The following NLRP3 variants were observed in gnomAD, a reference collection of about 807,000 sequenced individuals.
NLRP3 encodes the protein NACHT, LRR and PYD domains-containing protein 3.
Under a neutral mutation model 91.3 loss-of-function variants are expected in NLRP3, and 48 were observed. The observed-to-expected ratio is 0.53, with a 90% confidence interval of 0.42 to 0.67. NLRP3 has a LOEUF of 0.67. Among genes scored for constraint, NLRP3 ranks in the 30% least tolerant of loss-of-function variants. The pLI is 0.00. For synonymous variants in NLRP3, 561 were observed against 507.9 expected, an observed-to-expected ratio of 1.10 and a Z score of -1.41; for missense variants, 982 against 1,276.9, an observed-to-expected ratio of 0.77 and a Z score of 3.52.
At chr1:247,442,099 C>G (rs1202459492) in intron 7 of NLRP3, among the ~76,000 whole-genome samples, 1 of 152,214 alleles carries the variant, frequency 6.6e-6, no homozygotes, top group Non-Finnish European at 1.5e-5. Context: ...AGAAGCCACT[C>G]AAAACTTGCT....
Position 247,423,202 on chromosome 1 carries a change from G to A in NLRP3, c.278-28G>A, listed in dbSNP as rs199475728. The A allele has an allele frequency of 1.5e-4, 238 of 1,613,792 alleles. 1 individual carries two copies. In the East Asian group the frequency reaches 5.2e-3, roughly 35 times the overall value. On this transcript the variant is annotated intron_variant, in intron 2 of 9. Coordinates refer to ENST00000336119, the MANE Select transcript of NLRP3 (RefSeq NM_001243133.2). ...GCATCCTCTGTGATAATAGTTCTGG[G>A]TTTTGACACCTTTTTTTTCCCTTTT...
intron 2 of NLRP3, among the ~76,000 whole-genome samples, chr1:247,419,497 T>C (rs1662310448): frequency 6.6e-6 from 1 of 152,100 alleles, no homozygotes; most frequent in Non-Finnish European, 1.5e-5. Context: ...TTAGGTACAC[T>C]CACATTGTGC....
At chr1:247,444,545 C>CA in intron 8 of NLRP3, 106 bp from the exon 9 acceptor site, 1 of 968,530 alleles carries the variant, frequency 1.0e-6, no homozygotes, top group Non-Finnish European at 1.5e-6. Context: ...TGCTCCTGTG[C>CA]TTTTTTTTTT....
At position 247,418,938 on chromosome 1, in the gene NLRP3, G is replaced by A. The variant is rs1275328854; in HGVS notation, c.138G>A (p.Lys46=). The change falls in exon 2 of 10, where the codon AAG becomes AAA. Residue 46 remains lysine, a synonymous_variant. Transcript: ENST00000336119. The part of the protein sequence containing the change: ...CIPLPRGQTE[K]ADHVDLATLM... ...CCCTCCCGAGGGGTCAGACAGAGAA[G>A]GCAGACCATGTGGATCTAGCCACGC... 1 of 1,614,172 alleles carries A rather than the reference G, an allele frequency of 6.2e-7. No homozygotes were observed. Among genetic ancestry groups the A allele is most frequent in the Admixed American group, 1.7e-5 (1 of 60,024 alleles).
At chr1:247,435,841 A>G (rs1663752000) in intron 6 of NLRP3, 129 bp from the exon 7 acceptor site, 1 of 845,980 alleles carries the variant, frequency 1.2e-6, no homozygotes, top group East Asian at 2.5e-5. Context: ...AGAAGTGTAC[A>G]TAGAGCTTGT....
rs1572170944 is a variant in NLRP3 at position 247,424,727 on chromosome 1, T to C, written c.1278T>C (p.Ser426=). The C allele has an allele frequency of 2.5e-6, 4 of 1,613,946 alleles. No homozygotes were observed. The highest frequency in any genetic ancestry group is 2.5e-6 in the Non-Finnish European group (3 of 1,180,020). The change falls in exon 4 of 10, where the codon AGT becomes AGC. Residue 426 remains serine, a synonymous_variant. Coordinates refer to ENST00000336119, the MANE Select transcript of NLRP3 (RefSeq NM_001243133.2). This position sits in a 1 kb window ranked among gnomAD's most constrained non-coding sequence, Gnocchi z 8.1. ...VCTGLKQQME[S]GKSLAQTSKT... The stretch of plus-strand genomic sequence containing the variant: ...CTGGACTGAAACAGCAGATGGAGAG[T>C]GGCAAGAGCCTTGCCCAGACATCCA...
At chr1:247,434,420 C>A in intron 6 of NLRP3, 147 bp downstream of exon 6, 1 of 805,346 alleles carries the variant, frequency 1.2e-6, no homozygotes, top group Non-Finnish European at 2.2e-6. Context: ...GGGTGTCTAG[C>A]ATTGCGGTCA....
chr1:247,424,646 G>A lies in NLRP3; in HGVS notation c.1197G>A (p.Glu399=). 1 of 1,614,246 alleles carries A rather than the reference G, an allele frequency of 6.2e-7. No homozygotes were observed. The highest frequency in any genetic ancestry group is 1.3e-5 in the African/African-American group (1 of 75,058). Residue 399 remains glutamate (E), a synonymous_variant, in exon 4 of 10, where the codon GAG becomes GAA. Coordinates refer to ENST00000336119, the MANE Select transcript of NLRP3 (RefSeq NM_001243133.2). This position sits in a 1 kb window ranked among gnomAD's most constrained non-coding sequence, Gnocchi z 8.1. ...GGGCAGCCTTCAGTCTGATTCAGGA[G>A]AACGAGGTCCTCTTCACCATGTGCT... ...QARAAFSLIQ[E]NEVLFTMCFI... is the part of the protein sequence containing the mutation.
chr1:247,424,838 C>T lies in NLRP3; in HGVS notation c.1389C>T (p.His463=), dbSNP rs111400208. Residue 463 remains histidine, a synonymous_variant, in exon 4 of 10, where the codon CAC becomes CAT. Transcript: ENST00000336119. This position sits in a 1 kb window ranked among gnomAD's most constrained non-coding sequence, Gnocchi z 8.1. ...GCCAGGAGCACGGCCTCTGCGCCCA[C>T]CTCTGGGGGCTCTGCTCTTTGGCTG... ...GGSQEHGLCA[H]LWGLCSLAAD... is the part of the protein sequence containing the mutation. The T allele has an allele frequency of 3.6e-3, 5,840 of 1,608,096 alleles. 16 individuals carry two copies. The highest frequency in any genetic ancestry group is 3.8e-3 in the Non-Finnish European group (4,489 of 1,180,000).
chr1:247,434,310 G>A, intron 6 of NLRP3, 37 bp downstream of exon 6: 1 of 1,612,640 alleles, frequency 6.2e-7, no homozygotes, highest in Non-Finnish European at 8.5e-7. Context: ...AGTTCTGCCA[G>A]CGAGGCGTGC....
chr1:247,422,902 C>A (rs1662564088), intron 2 of NLRP3, among the ~76,000 whole-genome samples: 1 of 152,226 alleles, frequency 6.6e-6, no homozygotes, highest in Non-Finnish European at 1.5e-5. Context: ...CTGCCAGGGG[C>A]AGGCAAAAGC....
chr1:247,442,406 T>C (rs1664296294), intron 7 of NLRP3, among the ~76,000 whole-genome samples: 2 of 152,326 alleles, frequency 1.3e-5, no homozygotes, highest in South Asian at 4.1e-4. Flanking sequence ...TCTGTGCTCC[T>C]AGGAATTACG....
At chr1:247,433,207 T>TA (rs1262867690) in intron 5 of NLRP3, among the ~76,000 whole-genome samples, 67 of 151,112 alleles carry the variant, frequency 4.4e-4, no homozygotes, top group East Asian at 7.8e-4. Context: ...ACCCTGTCTT[T>TA]AAAAAAAGAA....
intron 4 of NLRP3, 43 bp from the exon 5 acceptor site, chr1:247,429,542 C>T (rs201497580): frequency 1.9e-5 from 30 of 1,606,316 alleles, no homozygotes; most frequent in Middle Eastern, 1.6e-4. Context: ...AGTTATTATT[C>T]GAGGCTGATT....
Position 247,424,678 on chromosome 1 carries a change from C to G in NLRP3, c.1229C>G (p.Pro410Arg). Reference protein sequence around the residue: ...NEVLFTMCFIPLVCWIVCTGL... With the variant: ...NEVLFTMCFIRLVCWIVCTGL... Reference sequence around the variant, plus strand: ...GTCCTCTTCACCATGTGCTTCATCCCCCTGGTCTGCTGGATCGTGTGCACT... The same window carrying G: ...GTCCTCTTCACCATGTGCTTCATCCGCCTGGTCTGCTGGATCGTGTGCACT... Residue 410 changes from proline (P) to arginine (R), a missense_variant, in exon 4 of 10, where the codon CCC becomes CGC. Around this residue, in one of 5 missense-constraint regions of NLRP3, gnomAD observed 548 missense variants for 713.7 expected, o/e 0.77. Transcript: ENST00000336119. This position sits in a 1 kb window ranked among gnomAD's most constrained non-coding sequence, Gnocchi z 8.1. 2 of 1,614,220 alleles carry G rather than the reference C, an allele frequency of 1.2e-6. No homozygotes were observed. Among genetic ancestry groups the G allele is most frequent in the Non-Finnish European group, 1.7e-6 (2 of 1,180,042 alleles).
At chr1:247,416,507 G>T (rs1490020128) in intron 1 of NLRP3, among the ~76,000 whole-genome samples, 2 of 152,186 alleles carry the variant, frequency 1.3e-5, no homozygotes, top group Non-Finnish European at 2.9e-5. Flanking sequence ...TATACAGAAG[G>T]AAACAAACCT....
At position 247,448,728 on chromosome 1, in the gene NLRP3, G is replaced by C; in HGVS notation, c.*224G>C. 1.7e-6 allele frequency: 1 copy of C among 597,004 alleles called. No homozygotes were observed. The highest frequency in any genetic ancestry group is 1.9e-5 in the South Asian group (1 of 53,570). 37.0% of individuals were successfully genotyped at this position (597,004 alleles called of 1,614,324 possible). On this transcript the variant is annotated 3_prime_UTR_variant, in exon 10 of 10. Transcript: ENST00000336119. Reference sequence around the variant, plus strand: ...CACCAGGACAATGACAGCATCGGGTGTTGTTGTCATCACAGCGCCTCAGTT... The same window carrying C: ...CACCAGGACAATGACAGCATCGGGTCTTGTTGTCATCACAGCGCCTCAGTT...
intron 7 of NLRP3, among the ~76,000 whole-genome samples, chr1:247,443,631 C>T (rs1664396182): frequency 6.6e-6 from 1 of 151,144 alleles, no homozygotes; most frequent in Middle Eastern, 3.5e-3. Context: ...TGAGGATAAC[C>T]ACTGGGATGT....
At chr1:247,428,226 A>C (rs1462582651) in intron 4 of NLRP3, among the ~76,000 whole-genome samples, 1 of 150,692 alleles carries the variant, frequency 6.6e-6, no homozygotes, top group African/African-American at 2.5e-5. Context: ...CTCAGCACCC[A>C]TCCCTCTAGA....
Sources: allele counts gnomAD v4.1 joint callset (sites outside exome capture counted in the v4.1 genomes callset), GRCh38; gene constraint gnomAD v4.1.1; regional missense constraint gnomAD v4.1.1; non-coding constraint Gnocchi (gnomAD v3.1); transcripts MANE v1.5; gene names NCBI Gene and HGNC (gene_info 2026-07-23, HGNC 2026-07-21).